SMTN: variants seen among roughly 807,000 people sequenced by gnomAD.
The protein encoded by SMTN is smoothelin.
A neutral mutation model predicts 102.0 loss-of-function variants in SMTN; 58 were observed. The observed-to-expected ratio is 0.57, with a 90% CI of 0.46 to 0.71. The LOEUF is 0.71. Ranked by LOEUF, SMTN falls within the 30% of genes least tolerant of loss-of-function variation. The pLI is 0.00. For synonymous variants in SMTN, 478 were observed against 497.9 expected (o/e 0.96, Z 0.53); for missense variants, 1,185 against 1,241.7 (o/e 0.95, Z 0.69).
chr22:31,074,636 A>G (rs5997864), intron 1 of SMTN, among the ~76,000 whole-genome samples: 23,001 of 152,080 alleles, frequency 0.15, 1,835 homozygotes, highest in Middle Eastern at 0.18. Context: ...CTAAAAATAT[A>G]TAACTTAGCC....
upstream of SMTN, chr22:31,080,421 A>C (rs1011979372): frequency 6.6e-6 from 1 of 152,032 alleles, no homozygotes; most frequent in African/African-American, 2.4e-5. Context: ...GTACAAAATA[A>C]ATGATTTGTT....
intron 18 of SMTN, 143 bp from the exon 19 acceptor site, chr22:31,099,602 A>G: frequency 1.2e-6 from 1 of 837,258 alleles, no homozygotes; most frequent in Non-Finnish European, 1.8e-6. Flanking sequence ...GAGGAGGCTC[A>G]TGTTCCAACT....
Position 31,104,576 on chromosome 22 carries a change from C to A in SMTN, c.*281C>A. ...CTGCCCTGTCTGTTGCGACACCCTC[C>A]CCCCCACATACACACGCAGCGTTTT... On this transcript the variant is annotated 3_prime_UTR_variant, in exon 21 of 21. Coordinates refer to ENST00000333137, the MANE Select transcript of SMTN (RefSeq NM_134269.3). 1 of 1,059,718 alleles carries A rather than the reference C, an allele frequency of 9.4e-7. No homozygotes were observed. Among genetic ancestry groups the A allele is most frequent in the Non-Finnish European group, 1.4e-6 (1 of 708,162 alleles). The allele number at this position is 1,059,718 out of a possible 1,614,324, so 65.6% of individuals were successfully genotyped here. A position where few individuals can be genotyped will look rare whatever the true frequency, so the allele number is the denominator to read the frequency against.
rs186264655 is a variant in SMTN, at chr22:31,090,969, C to A, written c.946C>A (p.Pro316Thr). 4.4e-5 allele frequency: 71 copies of A among 1,613,224 alleles called. No individual in the cohort carries two copies. In the East Asian group the frequency reaches 1.6e-3, roughly 36 times the overall value. The change falls in exon 10 of 21, where the codon CCC becomes ACC. Residue 316 changes from proline to threonine, a missense_variant. Around this residue, in one of 2 missense-constraint regions of SMTN, gnomAD observed 1,096 missense variants for 1,112.7 expected, o/e 0.98. Transcript: ENST00000333137. ...RQPAQNRESTPLASGPSSFQR... is the reference protein window; with the variant it reads ...RQPAQNRESTTLASGPSSFQR... ...CCTCCTGTTCCTTCTAGAGTCCACC[C>A]CCCTTGCCAGCGGACCTTCCTCATT... is the stretch of plus-strand genomic sequence containing the variant.
intron 2 of SMTN, among the ~76,000 whole-genome samples, chr22:31,083,729 C>T (rs1454298304): frequency 6.6e-6 from 1 of 152,190 alleles, no homozygotes; most frequent in Non-Finnish European, 1.5e-5. Flanking sequence ...ACTGGGTATA[C>T]CATGTCACAG....
chr22:31,087,564 AC>A (rs2042788374), intron 2 of SMTN, among the ~76,000 whole-genome samples: 1 of 152,108 alleles, frequency 6.6e-6, no homozygotes, highest in Non-Finnish European at 1.5e-5. Flanking sequence ...TTCATCTGTC[AC>A]CTTTCCCTCT....
chr22:31,082,710 G>A, intron 1 of SMTN: 1 of 664,730 alleles, frequency 1.5e-6, no homozygotes, highest in Non-Finnish European at 2.7e-6. Flanking sequence ...GACAGTGGTG[G>A]TGGCAGCAAG....
rs147962615 is a variant in SMTN at position 31,082,008 on chromosome 22, C to G, written c.-81+552C>G. On this transcript the variant is annotated intron_variant, in intron 1 of 20. Coordinates refer to ENST00000333137, the MANE Select transcript of SMTN (RefSeq NM_134269.3). ...CTACCAGGATGGGAGGGGGAACAAG[C>G]AGTGACTTGAACAGGCTGGGACCCA... 380 of 153,454 alleles carry G rather than the reference C, an allele frequency of 2.5e-3. 6 individuals carry two copies. In the Middle Eastern group the frequency reaches 0.03, roughly 12 times the overall value. The allele number at this position is 153,454 out of a possible 1,614,324, so 9.5% of individuals were successfully genotyped here.
intron 1 of SMTN, 138 bp downstream of exon 1, chr22:31,081,594 A>T (rs2042313188): frequency 6.6e-6 from 1 of 152,266 alleles, no homozygotes; most frequent in African/African-American, 2.4e-5. Context: ...GCCATGGGAT[A>T]AAGTTATGAG....
In SMTN at chr22:31,100,753, T is replaced by C. The variant is rs2044017620; in HGVS notation, c.2604-132T>C. Reference sequence around the variant, plus strand: ...TCGTAATTGAACTCATGTCTCTGTGTGTGTGTGTGTATGTGTGTGTGTCTC... The same window carrying C: ...TCGTAATTGAACTCATGTCTCTGTGCGTGTGTGTGTATGTGTGTGTGTCTC... On this transcript the variant is annotated intron_variant, in intron 19 of 20. Coordinates refer to ENST00000333137, the MANE Select transcript of SMTN (RefSeq NM_134269.3). 4.9e-6 allele frequency: 3 copies of C among 613,490 alleles called. No individual in the cohort carries two copies. The Admixed American group carries it at 7.8e-5, about 16-fold the overall frequency. 38.0% of individuals were successfully genotyped at this position (613,490 alleles called of 1,614,324 possible). A position where few individuals can be genotyped will look rare whatever the true frequency, so the allele number is the denominator to read the frequency against.
chr22:31,073,940 C>T (rs1254958109), intron 1 of SMTN, among the ~76,000 whole-genome samples: 5 of 152,156 alleles, frequency 3.3e-5, no homozygotes, highest in Non-Finnish European at 7.3e-5. Flanking sequence ...AGTCCCTGTT[C>T]CAGTGGTCTC....
At chr22:31,065,391 C>T (rs1474472978) in intron 1 of SMTN, 1 of 152,120 alleles carries the variant, frequency 6.6e-6, no homozygotes, top group Non-Finnish European at 1.5e-5. Context: ...TTCTGTCACC[C>T]AGGGTGGAGT....
chr22:31,086,004 C>G (rs1057124186), intron 2 of SMTN, among the ~76,000 whole-genome samples: 2 of 152,224 alleles, frequency 1.3e-5, no homozygotes, highest in Non-Finnish European at 2.9e-5. Flanking sequence ...CCTTGCCCCT[C>G]TGGGCCTCTT....
At chr22:31,099,425 C>T (rs1356342051) in intron 18 of SMTN, 4 of 588,872 alleles carry the variant, frequency 6.8e-6, no homozygotes, top group African/African-American at 3.7e-5. Flanking sequence ...GGCCGGATCC[C>T]ACTCTTGGAG....
At chr22:31,078,248 T>C (rs1302555960), upstream of SMTN, among the ~76,000 whole-genome samples, 1 of 152,180 alleles carries the variant, frequency 6.6e-6, no homozygotes, top group Non-Finnish European at 1.5e-5. Context: ...GGCCTGGGCT[T>C]TCTCTGAAGG....
At chr22:31,069,238 G>T (rs1257648217) in intron 1 of SMTN, among the ~76,000 whole-genome samples, 1 of 151,900 alleles carries the variant, frequency 6.6e-6, no homozygotes, top group Non-Finnish European at 1.5e-5. Flanking sequence ...TAACTAGGGC[G>T]CTCTCTTCCA....
chr22:31,098,272 C>T (rs2043759423), intron 16 of SMTN, among the ~76,000 whole-genome samples: 2 of 152,204 alleles, frequency 1.3e-5, no homozygotes, highest in Admixed American at 1.3e-4. Context: ...TAAGGCCCCT[C>T]CCTGCTCTTG....
At chr22:31,083,571 C>A in intron 2 of SMTN, 1 of 369,046 alleles carries the variant, frequency 2.7e-6, no homozygotes. Flanking sequence ...GCTGTAGACT[C>A]GCCCGTATGC....
At chr22:31,069,373 A>G (rs2041944158) in intron 1 of SMTN, among the ~76,000 whole-genome samples, 1 of 152,158 alleles carries the variant, frequency 6.6e-6, no homozygotes, top group South Asian at 2.1e-4. Context: ...GAGGTTGGAG[A>G]GAACTGCCTC....
Sources: gnomAD v4.1 joint callset for allele counts (sites outside exome capture counted in the v4.1 genomes callset) on GRCh38, gnomAD v4.1.1 for gene constraint, gnomAD v4.1.1 regional missense constraint, MANE v1.5 for transcripts, NCBI Gene and HGNC (gene_info 2026-07-23, HGNC 2026-07-21) for gene names.